The following CCDC33 variants were observed in gnomAD, a reference collection of about 807,000 sequenced individuals.
CCDC33 encodes coiled-coil domain-containing protein 33.
CCDC33 carries 94 observed loss-of-function variants against 91.9 expected under a neutral mutation model. That is an observed-to-expected ratio of 1.02 (90% CI 0.87 to 1.21). The LOEUF (loss-of-function observed/expected upper bound fraction) is 1.21, where lower values mean the gene tolerates loss of function less well. Among genes scored for constraint, CCDC33 ranks in the 50% most tolerant of loss-of-function variants. The pLI, the probability that CCDC33 is intolerant of heterozygous loss-of-function variation, is 0.00. For missense variants in CCDC33, 940 were observed against 935.5 expected (o/e 1.00, Z -0.06); for synonymous variants, 396 against 374.5 (o/e 1.06, Z -0.66).
chr15:74,221,386 A>T, intron 2 of CCDC33: 2 of 879,336 alleles, frequency 2.3e-6, no homozygotes, highest in Non-Finnish European at 2.7e-6. Flanking sequence ...AGAGCTCAGC[A>T]AACTTCCACG....
intron 2 of CCDC33, among the ~76,000 whole-genome samples, chr15:74,225,095 G>A (rs1390952351): frequency 2.0e-5 from 3 of 150,908 alleles, no homozygotes; most frequent in South Asian, 2.1e-4. Flanking sequence ...AGGGGCTGAC[G>A]CTGACTCACA....
chr15:74,269,408 T>A (rs75563165), intron 5 of CCDC33, among the ~76,000 whole-genome samples: 2,773 of 152,174 alleles, frequency 0.018, 81 homozygotes, highest in African/African-American at 0.063. Flanking sequence ...GGGAGTATGG[T>A]ATGGGAGCCA....
chr15:74,256,841 G>A (rs1295853572), intron 2 of CCDC33, among the ~76,000 whole-genome samples: 2 of 152,270 alleles, frequency 1.3e-5, no homozygotes, highest in East Asian at 1.9e-4. Context: ...TCTGTGGGCT[G>A]TGGCTTTCTC....
intron 11 of CCDC33, among the ~76,000 whole-genome samples, chr15:74,324,784 C>T (rs1383851265): frequency 6.6e-6 from 1 of 151,272 alleles, no homozygotes; most frequent in African/African-American, 2.4e-5. Context: ...CTAACACGCT[C>T]CTCCCCCAAC....
At chr15:74,313,656 G>C (rs757111751) in intron 11 of CCDC33, among the ~76,000 whole-genome samples, 5 of 151,894 alleles carry the variant, frequency 3.3e-5, no homozygotes, top group African/African-American at 7.3e-5. Flanking sequence ...CTGACCTCAG[G>C]TGATTAGCCC....
intron 1 of CCDC33, chr15:74,207,944 C>T (rs1277543002): frequency 7.6e-6 from 11 of 1,455,214 alleles, no homozygotes; most frequent in Non-Finnish European, 1.0e-5. Flanking sequence ...TCTCCACCTC[C>T]TGTCTCTCTA....
intron 6 of CCDC33, 40 bp downstream of exon 6, chr15:74,271,834 G>A (rs12148756): frequency 1.3e-6 from 2 of 1,536,814 alleles, no homozygotes; most frequent in Non-Finnish European, 9.0e-7. Flanking sequence ...GGAGGGCAGA[G>A]CAGAGGGCAG....
chr15:74,300,126 T>C (rs1028938427), intron 11 of CCDC33: 1 of 152,178 alleles, frequency 6.6e-6, no homozygotes, highest in Non-Finnish European at 1.5e-5. Context: ...CCTAGCTGTG[T>C]AGCAATGGGT....
At chr15:74,231,980 C>G (rs1003983339), upstream of CCDC33, among the ~76,000 whole-genome samples, 14 of 152,136 alleles carry the variant, frequency 9.2e-5, no homozygotes, top group African/African-American at 3.4e-4. Context: ...TGCCACTGCA[C>G]TCCAGCCTGG....
At position 74,218,388 on chromosome 15, in the gene CCDC33, CA is replaced by C; in HGVS notation, c.311-106del. On this transcript the variant is annotated intron_variant, in intron 1 of 2. Transcript: ENST00000635913. This position sits in a 1 kb window ranked among gnomAD's most constrained non-coding sequence, Gnocchi z 4.8. ...TAGCCAAGACTGCTTGGCTTTGACT[CA>C]AAGTCTGGGCAGCCCAGGTTTCCCC... is the stretch of plus-strand genomic sequence containing the variant. 1 of 1,136,324 alleles carries C rather than the reference CA, an allele frequency of 8.8e-7. No homozygotes were observed. The highest frequency in any genetic ancestry group is 1.1e-6 in the Non-Finnish European group (1 of 889,708). 70.4% of individuals were successfully genotyped at this position (1,136,324 alleles called of 1,614,324 possible). A position where few individuals can be genotyped will look rare whatever the true frequency, so the allele number is the denominator to read the frequency against.
chr15:74,330,434 A>C, intron 12 of CCDC33, 80 bp downstream of exon 12: 3 of 1,427,878 alleles, frequency 2.1e-6, no homozygotes, highest in Non-Finnish European at 2.8e-6. Flanking sequence ...GGTGGCTGGG[A>C]GCTTCTCCCA....
intron 16 of CCDC33, chr15:74,333,310 C>T: frequency 6.3e-7 from 1 of 1,587,972 alleles, no homozygotes; most frequent in African/African-American, 1.3e-5. Flanking sequence ...GCACAGAGAC[C>T]CTGCCCGCAC....
intron 2 of CCDC33, among the ~76,000 whole-genome samples, chr15:74,225,696 G>T (rs548024337): frequency 6.6e-6 from 1 of 152,160 alleles, no homozygotes; most frequent in African/African-American, 2.4e-5. Flanking sequence ...GTGAGAAAGG[G>T]ACTTGGGGAC....
intron 1 of CCDC33, among the ~76,000 whole-genome samples, chr15:74,208,604 C>G (rs943920582): frequency 6.6e-6 from 1 of 152,184 alleles, no homozygotes; most frequent in Non-Finnish European, 1.5e-5. Context: ...TGCTAGCCCC[C>G]CAGTGTCCCC....
chr15:74,310,309 C>T (rs150323127), intron 11 of CCDC33, among the ~76,000 whole-genome samples: 126 of 152,202 alleles, frequency 8.3e-4, no homozygotes, highest in African/African-American at 2.9e-3. Context: ...AAGGCCGAGG[C>T]GGGCAGATCA....
intron 2 of CCDC33, among the ~76,000 whole-genome samples, chr15:74,258,442 C>G (rs946950737): frequency 1.3e-4 from 20 of 152,166 alleles, no homozygotes; most frequent in African/African-American, 4.3e-4. Flanking sequence ...GACTATTGTT[C>G]ATGATTTGAG....
intron 1 of CCDC33, among the ~76,000 whole-genome samples, chr15:74,241,425 C>T (rs1176041971): frequency 1.3e-5 from 2 of 152,068 alleles, no homozygotes; most frequent in Non-Finnish European, 2.9e-5. Context: ...AGGGCAGAGG[C>T]GGGGAGGCAG....
intron 6 of CCDC33, among the ~76,000 whole-genome samples, chr15:74,272,105 G>GACAAC: frequency 6.6e-6 from 1 of 152,156 alleles, no homozygotes; most frequent in African/African-American, 2.4e-5. Context: ...GTGTGGGGAG[G>GACAAC]ACAACAAGAG....
intron 12 of CCDC33, 25 bp downstream of exon 12, chr15:74,330,379 G>A (rs1338966428): frequency 2.6e-6 from 4 of 1,541,398 alleles, no homozygotes; most frequent in Non-Finnish European, 2.6e-6. Flanking sequence ...GCCACCAAGG[G>A]CACCCGGGCT....
Sources: allele counts gnomAD v4.1 joint callset (sites outside exome capture counted in the v4.1 genomes callset), GRCh38; gene constraint gnomAD v4.1.1; non-coding constraint Gnocchi (gnomAD v3.1); transcripts MANE v1.5; gene names NCBI Gene and HGNC (gene_info 2026-07-23, HGNC 2026-07-21).